Variants in TDRD5 observed in about 807,000 individuals in gnomAD.
TDRD5 encodes tudor domain-containing protein 5.
TDRD5 carries 41 observed loss-of-function variants against 120.6 expected under a neutral mutation model. The ratio of observed to expected loss-of-function variants is 0.34; its 90% confidence interval spans 0.26 to 0.44. The LOEUF (loss-of-function observed/expected upper bound fraction) is 0.44. Among genes scored for constraint, TDRD5 ranks in the 20% least tolerant of loss-of-function variants. TDRD5 has a pLI of 1.00. For synonymous variants in TDRD5, 430 were observed against 433.7 expected, an observed-to-expected ratio of 0.99 and a Z score of 0.11; for missense variants, 1,006 against 1,221.2, an observed-to-expected ratio of 0.82 and a Z score of 2.63.
chr1:179,591,790 G>A (rs887409626), upstream of TDRD5: 3 of 152,404 alleles, frequency 2.0e-5, no homozygotes, highest in Admixed American at 6.5e-5. Context: ...CTGGAACGCG[G>A]CGCCCCGGGA....
chr1:179,616,416 C>G (rs532526274), intron 4 of TDRD5, among the ~76,000 whole-genome samples: 1 of 152,078 alleles, frequency 6.6e-6, no homozygotes, highest in East Asian at 1.9e-4. Context: ...TTTTTCTATT[C>G]TCTCCCAGCA....
chr1:179,683,563 C>T (rs906573427), intron 17 of TDRD5, among the ~76,000 whole-genome samples: 1 of 152,148 alleles, frequency 6.6e-6, no homozygotes, highest in African/African-American at 2.4e-5. Flanking sequence ...AAGTGTAGAA[C>T]ATATACTACA....
Position 179,685,972 on chromosome 1 carries a change from A to G in TDRD5, c.2861-4724A>G, listed in dbSNP as rs144364465. ...GATGATGGGGTTTTCTAAATATCCAATCTTGTCATCTGCAAACAGGGACAA... is the reference window on the plus strand; with the variant it reads ...GATGATGGGGTTTTCTAAATATCCAGTCTTGTCATCTGCAAACAGGGACAA... On this transcript the variant is annotated intron_variant, in intron 17 of 17. Coordinates refer to ENST00000444136, the MANE Select transcript of TDRD5 (RefSeq NM_001199085.3). Among the ~76,000 whole-genome samples the G allele has an allele frequency of 5.3e-4, 80 of 152,310 alleles. 1 individual carries two copies. The East Asian group carries it at 0.014, about 27-fold the overall frequency.
chr1:179,632,994 T>C (rs765943951), intron 7 of TDRD5, among the ~76,000 whole-genome samples: 37 of 152,232 alleles, frequency 2.4e-4, no homozygotes, highest in Non-Finnish European at 5.1e-4. Flanking sequence ...TTGAATACTA[T>C]ACTGAAAGTG....
At chr1:179,668,064 A>G (rs1321697506) in intron 16 of TDRD5, among the ~76,000 whole-genome samples, 2 of 152,238 alleles carry the variant, frequency 1.3e-5, no homozygotes, top group African/African-American at 4.8e-5. Context: ...TGTTAATGCC[A>G]GTTGACATCA....
At position 179,595,810 on chromosome 1, in the gene TDRD5, T is replaced by C; in HGVS notation, c.823T>C (p.Leu275=). 6.2e-7 allele frequency: 1 copy of C among 1,603,180 alleles called. No homozygotes were observed. Among genetic ancestry groups the C allele is most frequent in the Non-Finnish European group, 8.5e-7 (1 of 1,175,594 alleles). Residue 275 remains leucine (L), a synonymous_variant, in exon 4 of 18, where the codon TTA becomes CTA. Transcript: ENST00000444136. The part of the protein sequence containing the change: ...ETSRLNHTEK[L]NQLENTFKSV... ...TTCAAGACTGAATCACACTGAAAAA[T>C]TAAACCAGGTGAGAGATAAGAATTT...
chr1:179,639,538 T>G lies in TDRD5; in HGVS notation c.1521-301T>G, dbSNP rs1243661543. 2.0e-5 allele frequency among the ~76,000 whole-genome samples: 3 copies of G among 152,200 alleles called. No homozygotes were observed. The East Asian group carries it at 5.8e-4, about 29-fold the overall frequency. On this transcript the variant is annotated intron_variant, in intron 9 of 17. Transcript: ENST00000444136. The stretch of plus-strand genomic sequence containing the variant: ...GATTTGGGAGCTATCAGGTCACTGA[T>G]GTCTTAAAACTAATTTATCCTAGGC...
At chr1:179,684,782 G>A (rs563360969) in intron 17 of TDRD5, among the ~76,000 whole-genome samples, 2 of 152,266 alleles carry the variant, frequency 1.3e-5, no homozygotes, top group Admixed American at 6.5e-5. Flanking sequence ...TTTGATTTGC[G>A]TTTCTCTGAC....
At chr1:179,676,369 G>T (rs1465683919) in intron 17 of TDRD5, among the ~76,000 whole-genome samples, 1 of 152,198 alleles carries the variant, frequency 6.6e-6, no homozygotes, top group Non-Finnish European at 1.5e-5. Flanking sequence ...GTATTGAGAT[G>T]TGAGGTACTA....
intron 6 of TDRD5, among the ~76,000 whole-genome samples, chr1:179,623,830 G>C (rs1003449429): frequency 1.3e-5 from 2 of 151,178 alleles, no homozygotes; most frequent in African/African-American, 4.9e-5. Flanking sequence ...TTAGAGACAG[G>C]GTCTCACCAT....
rs1379104281 is a variant in TDRD5 at position 179,648,285 on chromosome 1, A to G, written c.1801-2582A>G. Among the ~76,000 whole-genome samples, 9 of 146,830 alleles carry G rather than the reference A, an allele frequency of 6.1e-5. No individual in the cohort carries two copies. In the East Asian group the frequency reaches 1.6e-3, roughly 26 times the overall value. The stretch of plus-strand genomic sequence containing the variant: ...TGCAGCCATAAAAAATGATGAGTTC[A>G]TGTCCTTTGTAGGGACATGGATGAA... On this transcript the variant is annotated intron_variant, in intron 11 of 17. Coordinates refer to ENST00000444136, the MANE Select transcript of TDRD5 (RefSeq NM_001199085.3).
intron 6 of TDRD5, among the ~76,000 whole-genome samples, chr1:179,621,914 G>T (rs895248649): frequency 1.3e-5 from 2 of 152,102 alleles, no homozygotes; most frequent in African/African-American, 4.8e-5. Flanking sequence ...ATTTTAACCT[G>T]GGCAGTCTGG....
chr1:179,637,622 C>A (rs976380436), intron 9 of TDRD5, among the ~76,000 whole-genome samples: 2 of 151,316 alleles, frequency 1.3e-5, no homozygotes, highest in African/African-American at 4.9e-5. Context: ...TGGTGCATGC[C>A]TGTAGTCCCA....
intron 4 of TDRD5, among the ~76,000 whole-genome samples, chr1:179,614,642 G>A (rs753877565): frequency 4.0e-5 from 6 of 151,886 alleles, no homozygotes; most frequent in Non-Finnish European, 7.4e-5. Context: ...ACCTTTGCTG[G>A]TACTCAGTAC....
chr1:179,628,324 C>CTTTTTTTTTTTTTT (rs71569258), intron 6 of TDRD5, among the ~76,000 whole-genome samples: 4 of 54,634 alleles, frequency 7.3e-5, no homozygotes, highest in African/African-American at 2.2e-4. Context: ...CTTTTCTTTT[C>CTTTTTTTTTTTTTT]TTTTTTTTTT....
At chr1:179,660,146 C>T (rs1034727806) in intron 14 of TDRD5, among the ~76,000 whole-genome samples, 2 of 150,748 alleles carry the variant, frequency 1.3e-5, no homozygotes, top group African/African-American at 4.9e-5. Context: ...ATTCATCTGC[C>T]TCCTCTTTCT....
rs71569261 is a variant in TDRD5 at position 179,645,076 on chromosome 1, CTTTT to C, written c.1800+4655_1800+4658del. Among the ~76,000 whole-genome samples the C allele has an allele frequency of 2.6e-4, 26 of 99,590 alleles. 1 individual carries two copies. The East Asian group carries it at 2.8e-3, about 11-fold the overall frequency. The allele number at this position is 99,590 out of a possible 152,430, so 65.3% of individuals were successfully genotyped here. On this transcript the variant is annotated intron_variant, in intron 11 of 17. Coordinates refer to ENST00000444136, the MANE Select transcript of TDRD5 (RefSeq NM_001199085.3). ...AGTTTCTCAGTTTATAAACATTTTT[CTTTT>C]TTTTTTTTTTTTTTTTTTTTTTTGA...
chr1:179,664,459 A>G (rs572916161), intron 16 of TDRD5, among the ~76,000 whole-genome samples: 74 of 152,252 alleles, frequency 4.9e-4, no homozygotes, highest in African/African-American at 1.8e-3. Context: ...GACCATTAGC[A>G]GTCATACTCC....
At chr1:179,628,357 G>A (rs1677254565) in intron 6 of TDRD5, among the ~76,000 whole-genome samples, 1 of 127,250 alleles carries the variant, frequency 7.9e-6, no homozygotes, top group African/African-American at 3.0e-5. Flanking sequence ...TTTTAAGACG[G>A]GGTCTTGCTG....
Sources: allele counts gnomAD v4.1 joint callset (sites outside exome capture counted in the v4.1 genomes callset), GRCh38; gene constraint gnomAD v4.1.1; transcripts MANE v1.5; gene names NCBI Gene and HGNC (gene_info 2026-07-23, HGNC 2026-07-21).